Variants in ENPP1 observed in about 807,000 individuals in gnomAD.
ENPP1 encodes ectonucleotide pyrophosphatase/phosphodiesterase family member 1.
ENPP1 carries 73 observed loss-of-function variants against 122.8 expected under a neutral mutation model. That is an observed-to-expected ratio of 0.59 (90% CI 0.49 to 0.72). ENPP1 has a LOEUF of 0.72. ENPP1 is among the 30% of genes least tolerant of loss of function. The pLI is 0.00. For missense variants in ENPP1, 978 were observed against 1,128.1 expected (o/e 0.87, Z 1.91); for synonymous variants, 367 against 391.6 (o/e 0.94, Z 0.74).
chr6:131,864,791 A>C (rs550030600), intron 10 of ENPP1, 75 bp from the exon 11 acceptor site: 1 of 997,952 alleles, frequency 1.0e-6, no homozygotes, highest in African/African-American at 1.6e-5. Flanking sequence ...ATCCCTATCA[A>C]TTGATGAATT....
In ENPP1 at chr6:131,808,376, A is replaced by G. The variant is rs926715854; in HGVS notation, c.240+101A>G. 19 of 1,339,746 alleles carry G rather than the reference A, an allele frequency of 1.4e-5. No homozygotes were observed. In the African/African-American group the frequency reaches 2.6e-4, roughly 18 times the overall value. The allele number at this position is 1,339,746 out of a possible 1,614,324, so 83.0% of individuals were successfully genotyped here. ...CAGCGCAGTCAGCACCGGGCACCGG[A>G]GAGAGGCATGGTCCGGGAGTGCTTC... On this transcript the variant is annotated intron_variant, in intron 1 of 24. Transcript: ENST00000647893.
intron 7 of ENPP1, 96 bp from the exon 8 acceptor site, chr6:131,860,291 C>T (rs1782004390): frequency 2.1e-6 from 2 of 947,310 alleles, no homozygotes; most frequent in Non-Finnish European, 3.3e-6. Context: ...TTCCATGTAG[C>T]TTCAGTTATC....
Position 131,879,868 on chromosome 6 carries a change from C to T in ENPP1, c.1946-12C>T. 6.2e-7 allele frequency: 1 copy of T among 1,611,500 alleles called. No homozygotes were observed. The highest frequency in any genetic ancestry group is 8.5e-7 in the Non-Finnish European group (1 of 1,177,766). On this transcript the variant is annotated splice_polypyrimidine_tract_variant and intron_variant, in intron 19 of 24. Transcript: ENST00000647893. ...CACACTAACTACATTTATTTTCATC[C>T]TGTGACCCAAGAGAAGATTATTAAG...
chr6:131,881,492 G>A (rs550760070), intron 20 of ENPP1, among the ~76,000 whole-genome samples: 4 of 152,090 alleles, frequency 2.6e-5, no homozygotes, highest in African/African-American at 9.7e-5. Context: ...TTACATTGCT[G>A]TTCGGTGACT....
intron 11 of ENPP1, 90 bp from the exon 12 acceptor site, chr6:131,867,928 T>TTTC (rs1782111259): frequency 4.7e-5 from 8 of 171,208 alleles, no homozygotes; most frequent in Admixed American, 2.1e-4. Context: ...TGTTTCTTTC[T>TTTC]TTTTTTTTTT....
At chr6:131,811,347 TA>T (rs991659265) in intron 1 of ENPP1, among the ~76,000 whole-genome samples, 6 of 151,448 alleles carry the variant, frequency 4.0e-5, no homozygotes, top group African/African-American at 1.5e-4. Flanking sequence ...AAGAGTTCTT[TA>T]AAAAAACATA....
chr6:131,875,851 A>C lies in ENPP1; in HGVS notation c.1711A>C (p.Asn571His), dbSNP rs1238668237. ...ADTFENIEVY[N>H]LMCDLLNLTP... The stretch of plus-strand genomic sequence containing the variant: ...CACCTTTGAAAACATTGAAGTCTAT[A>C]ACTTAATGTGTGGTAAGTGTGAACA... The change falls in exon 17 of 25, where the codon AAC becomes CAC. Residue 571 changes from asparagine (N) to histidine (H), a missense_variant. Asn to His is a moderately conservative substitution (Grantham distance 68, BLOSUM62 1). Around this residue, in one of 3 missense-constraint regions of ENPP1, gnomAD observed 644 missense variants for 781.5 expected, o/e 0.82. Transcript: ENST00000647893. The C allele has an allele frequency of 6.2e-7, 1 of 1,613,084 alleles. No individual in the cohort carries two copies. Among genetic ancestry groups the C allele is most frequent in the Non-Finnish European group, 8.5e-7 (1 of 1,179,032 alleles).
chr6:131,838,524 A>G (rs1316233446), intron 1 of ENPP1, among the ~76,000 whole-genome samples: 2 of 152,000 alleles, frequency 1.3e-5, no homozygotes, highest in Non-Finnish European at 2.9e-5. Flanking sequence ...GGGGTTTACA[A>G]GTTAGATAGT....
At chr6:131,831,114 C>CAAAAAAAAAAA (rs3036850) in intron 1 of ENPP1, among the ~76,000 whole-genome samples, 3 of 59,978 alleles carry the variant, frequency 5.0e-5, no homozygotes, top group Non-Finnish European at 9.2e-5. Flanking sequence ...GCCCATCTCT[C>CAAAAAAAAAAA]AAAAAAAAAA....
chr6:131,886,627 G>T lies in ENPP1; in HGVS notation c.2510G>T (p.Ser837Ile), dbSNP rs753812455. 2 of 1,613,838 alleles carry T rather than the reference G, an allele frequency of 1.2e-6. No individual in the cohort carries two copies. The highest frequency in any genetic ancestry group is 1.1e-5 in the South Asian group (1 of 91,074). ...IPTHFFIVLT[S>I]CKDTSQTPLH... Reference sequence around the variant, plus strand: ...ACTCACTTCTTTATTGTGCTAACAAGCTGTAAAGATACATCTCAGACGCCT... The same window carrying T: ...ACTCACTTCTTTATTGTGCTAACAATCTGTAAAGATACATCTCAGACGCCT... Residue 837 changes from serine to isoleucine, a missense_variant, in exon 24 of 25, where the codon AGC (serine) becomes ATC (isoleucine). Physicochemically the swap from Ser to Ile is moderately radical, Grantham distance 142 (BLOSUM62 -2). This residue lies in a region of ENPP1 where 644 missense variants were observed against 781.5 expected (regional missense o/e 0.82). Coordinates refer to ENST00000647893, the MANE Select transcript of ENPP1 (RefSeq NM_006208.3).
chr6:131,864,001 A>G (rs1782056789), intron 9 of ENPP1, among the ~76,000 whole-genome samples: 1 of 152,196 alleles, frequency 6.6e-6, no homozygotes, highest in Admixed American at 6.5e-5. Context: ...AAGATTTAGT[A>G]GAGTATACAA....
rs1781336677 is a variant in ENPP1, at chr6:131,810,481, C to T, written c.240+2206C>T. 4.2e-5 allele frequency among the ~76,000 whole-genome samples: 5 copies of T among 119,298 alleles called. No homozygotes were observed. In the South Asian group the frequency reaches 1.5e-3, roughly 37 times the overall value. 78.3% of individuals were successfully genotyped at this position (119,298 alleles called of 152,430 possible). A position where few individuals can be genotyped will look rare whatever the true frequency, so the allele number is the denominator to read the frequency against. On this transcript the variant is annotated intron_variant, in intron 1 of 24. Transcript: ENST00000647893. ...CCCAAAAACTTCCCCAAATAATGGGCTTCCAAATGGAAAAGGCCCCAAAAG... is the reference window on the plus strand; with the variant it reads ...CCCAAAAACTTCCCCAAATAATGGGTTTCCAAATGGAAAAGGCCCCAAAAG...
At chr6:131,827,386 A>C (rs1368680886) in intron 1 of ENPP1, 11 of 792,652 alleles carry the variant, frequency 1.4e-5, no homozygotes, top group Non-Finnish European at 2.0e-5. Context: ...ACCTCAAAGG[A>C]ATATTGCTTC....
chr6:131,864,710 C>A, intron 10 of ENPP1, 139 bp downstream of exon 10: 3 of 809,658 alleles, frequency 3.7e-6, no homozygotes, highest in South Asian at 1.5e-5. Context: ...ATGATCATAC[C>A]ACATTTTGAA....
intron 1 of ENPP1, among the ~76,000 whole-genome samples, chr6:131,834,770 A>C (rs568116817): frequency 7.3e-5 from 11 of 151,700 alleles, no homozygotes; most frequent in Non-Finnish European, 1.5e-4. Context: ...CATGTTGGCC[A>C]GGCTGGTCTC....
intron 1 of ENPP1, among the ~76,000 whole-genome samples, chr6:131,830,122 C>T (rs1781592046): frequency 6.6e-6 from 1 of 152,078 alleles, no homozygotes; most frequent in Admixed American, 6.6e-5. Context: ...GAAGGCAAGA[C>T]AAGGAATTGG....
intron 20 of ENPP1, among the ~76,000 whole-genome samples, chr6:131,880,931 C>A (rs186456011): frequency 3.7e-4 from 57 of 152,192 alleles, no homozygotes; most frequent in Non-Finnish European, 7.4e-4. Flanking sequence ...TTCCCCCTCA[C>A]CCATGGCCCC....
At chr6:131,812,832 A>G (rs952543964) in intron 1 of ENPP1, among the ~76,000 whole-genome samples, 2 of 151,810 alleles carry the variant, frequency 1.3e-5, no homozygotes, top group African/African-American at 4.9e-5. Flanking sequence ...CAGGTTATTT[A>G]TTCAGCATAT....
At chr6:131,847,456 C>T (rs996485528) in intron 1 of ENPP1, among the ~76,000 whole-genome samples, 4 of 152,150 alleles carry the variant, frequency 2.6e-5, no homozygotes, top group African/African-American at 4.8e-5. Context: ...AACACATCTA[C>T]GTGACTAGCC....
Sources: allele counts gnomAD v4.1 joint callset (sites outside exome capture counted in the v4.1 genomes callset), GRCh38; gene constraint gnomAD v4.1.1; regional missense constraint gnomAD v4.1.1; transcripts MANE v1.5; gene names NCBI Gene and HGNC (gene_info 2026-07-23, HGNC 2026-07-21).